The following CELF4 variants were observed in gnomAD, a reference collection of about 807,000 sequenced individuals.
The protein encoded by CELF4 is CUGBP Elav-like family member 4.
A neutral mutation model predicts 59.9 loss-of-function variants in CELF4; 18 were observed. The observed-to-expected ratio is 0.30, with a 90% CI of 0.21 to 0.45. The LOEUF is 0.45. Ranked by LOEUF, CELF4 falls within the 20% of genes least tolerant of loss-of-function variation. The pLI is 1.00. For synonymous variants in CELF4, 261 were observed against 267.1 expected (o/e 0.98, Z 0.22); for missense variants, 456 against 689.0 (o/e 0.66, Z 3.79).
chr18:37,351,613 T>C (rs1603624499), intron 2 of CELF4, among the ~76,000 whole-genome samples: 1 of 930 alleles, frequency 1.1e-3, no homozygotes. Context: ...TTCTTCTTCT[T>C]TTTTTTTTTT....
chr18:37,267,230 G>A lies in CELF4; in HGVS notation c.1100-632C>T, dbSNP rs1020152806. ...GGAGAGGGGTGCTGCCCGCAGAACC[G>A]AGGAACCAGGAGACCAAGGACCTTC... is the stretch of plus-strand genomic sequence containing the variant. On this transcript the variant is annotated intron_variant, in intron 8 of 12. Coordinates refer to ENST00000420428, the MANE Select transcript of CELF4 (RefSeq NM_020180.4). 1.3e-4 allele frequency among the ~76,000 whole-genome samples: 20 copies of A among 152,340 alleles called. No homozygotes were observed. In the East Asian group the frequency reaches 2.5e-3, roughly 19 times the overall value.
intron 2 of CELF4, among the ~76,000 whole-genome samples, chr18:37,430,196 C>A (rs1627053): frequency 6.6e-6 from 1 of 152,130 alleles, no homozygotes; most frequent in South Asian, 2.1e-4. Flanking sequence ...CCTGCCCAGT[C>A]CCATGCCTCC....
chr18:37,470,301 C>T (rs538827406), intron 2 of CELF4, among the ~76,000 whole-genome samples: 2 of 152,330 alleles, frequency 1.3e-5, no homozygotes, highest in Admixed American at 1.3e-4. Context: ...GTCACTTCAT[C>T]ACTGTGCTAG....
At chr18:37,327,834 C>G (rs373649562) in intron 2 of CELF4, among the ~76,000 whole-genome samples, 1 of 152,198 alleles carries the variant, frequency 6.6e-6, no homozygotes. Flanking sequence ...CCAGTGCTGT[C>G]TCTGAAATAA....
chr18:37,417,599 G>T (rs1206402660), intron 2 of CELF4, among the ~76,000 whole-genome samples: 1 of 152,208 alleles, frequency 6.6e-6, no homozygotes, highest in Non-Finnish European at 1.5e-5. Flanking sequence ...GCTTCTTGCA[G>T]CACTGGCCAG....
At chr18:37,503,751 A>G (rs2099934391) in intron 1 of CELF4, among the ~76,000 whole-genome samples, 1 of 152,182 alleles carries the variant, frequency 6.6e-6, no homozygotes, top group Non-Finnish European at 1.5e-5. Context: ...TAGTTGTCTT[A>G]CATGGGTGGG....
intron 2 of CELF4, among the ~76,000 whole-genome samples, chr18:37,403,529 A>G (rs2099352960): frequency 6.6e-6 from 1 of 151,914 alleles, no homozygotes; most frequent in Non-Finnish European, 1.5e-5. Flanking sequence ...CCATGTTTGC[A>G]TGTGACTCCG....
Position 37,321,662 on chromosome 18 carries a change from T to C in CELF4, c.448+141A>G, listed in dbSNP as rs1481174766. Reference sequence around the variant, plus strand: ...CACCAGTCACCCAGAGCTCCAAAGCTCTGTCCCCAACCCTCAGCCACGAGA... The same window carrying C: ...CACCAGTCACCCAGAGCTCCAAAGCCCTGTCCCCAACCCTCAGCCACGAGA... On this transcript the variant is annotated intron_variant, in intron 3 of 12. Coordinates refer to ENST00000420428, the MANE Select transcript of CELF4 (RefSeq NM_020180.4). 13 of 604,446 alleles carry C rather than the reference T, an allele frequency of 2.2e-5. No individual in the cohort carries two copies. The Admixed American group carries it at 3.7e-4, about 17-fold the overall frequency. The allele number at this position is 604,446 out of a possible 1,614,324, so 37.4% of individuals were successfully genotyped here.
intron 2 of CELF4, among the ~76,000 whole-genome samples, chr18:37,402,192 G>A (rs963828964): frequency 2.0e-5 from 3 of 152,182 alleles, no homozygotes; most frequent in Non-Finnish European, 2.9e-5. Flanking sequence ...TACATGATCC[G>A]CTGGGGATGA....
At chr18:37,533,168 C>T (rs1272977275) in intron 1 of CELF4, among the ~76,000 whole-genome samples, 2 of 152,252 alleles carry the variant, frequency 1.3e-5, no homozygotes, top group South Asian at 2.1e-4. Context: ...CGGCTGCTTA[C>T]GCACGAATGT....
chr18:37,526,473 G>T (rs1034919266), intron 1 of CELF4, among the ~76,000 whole-genome samples: 1 of 151,992 alleles, frequency 6.6e-6, no homozygotes, highest in Non-Finnish European at 1.5e-5. Flanking sequence ...TCCTATTTCT[G>T]TCCTATAGGG....
chr18:37,390,807 A>C (rs11664350), intron 2 of CELF4, among the ~76,000 whole-genome samples: 19 of 57,094 alleles, frequency 3.3e-4, no homozygotes, highest in East Asian at 2.3e-3. Context: ...TGGGGCGGGG[A>C]GGGGGGGCAG....
intron 2 of CELF4, among the ~76,000 whole-genome samples, chr18:37,475,205 C>T (rs2099845371): frequency 6.6e-6 from 1 of 152,256 alleles, no homozygotes; most frequent in Non-Finnish European, 1.5e-5. Context: ...GCTATTTGCA[C>T]TCAAATGCTT....
At chr18:37,448,246 G>A (rs1451288695) in intron 2 of CELF4, among the ~76,000 whole-genome samples, 2 of 152,236 alleles carry the variant, frequency 1.3e-5, no homozygotes, top group Non-Finnish European at 2.9e-5. Context: ...ATGATGACTG[G>A]AGCCTGAAGC....
intron 2 of CELF4, among the ~76,000 whole-genome samples, chr18:37,480,097 C>T (rs2099862199): frequency 6.6e-6 from 1 of 152,222 alleles, no homozygotes; most frequent in South Asian, 2.1e-4. Context: ...CGAGACAATA[C>T]ATTTCCGTTG....
intron 2 of CELF4, among the ~76,000 whole-genome samples, chr18:37,468,208 A>C (rs2099813386): frequency 6.6e-6 from 1 of 152,240 alleles, no homozygotes; most frequent in South Asian, 2.1e-4. Flanking sequence ...ATGCATTTCA[A>C]ATGCGTCTTT....
chr18:37,344,965 T>C (rs1487482265), intron 2 of CELF4, among the ~76,000 whole-genome samples: 2 of 152,126 alleles, frequency 1.3e-5, no homozygotes, highest in East Asian at 3.9e-4. Flanking sequence ...AGCCCCCAGT[T>C]CTGCTCCACC....
intron 2 of CELF4, among the ~76,000 whole-genome samples, chr18:37,444,650 A>ACACG (rs2099743005): frequency 7.3e-6 from 1 of 136,502 alleles, no homozygotes; most frequent in African/African-American, 2.7e-5. Flanking sequence ...ACACACACAC[A>ACACG]CACGCGAACG....
At chr18:37,394,822 T>G (rs1603635154) in intron 2 of CELF4, among the ~76,000 whole-genome samples, 1 of 152,166 alleles carries the variant, frequency 6.6e-6, no homozygotes, top group East Asian at 1.9e-4. Context: ...GACCTGCTCT[T>G]GCAGTGGCCA....
Sources: gnomAD v4.1 joint callset for allele counts (sites outside exome capture counted in the v4.1 genomes callset) on GRCh38, gnomAD v4.1.1 for gene constraint, MANE v1.5 for transcripts, NCBI Gene and HGNC (gene_info 2026-07-23, HGNC 2026-07-21) for gene names.